Variants in SPTLC2 observed in about 807,000 individuals in gnomAD.
SPTLC2 encodes the protein serine palmitoyltransferase 2.
SPTLC2 carries 21 observed loss-of-function variants against 62.0 expected under a neutral mutation model. That is an observed-to-expected ratio of 0.34 (90% confidence interval 0.24 to 0.49). The LOEUF is 0.49. SPTLC2 is among the 20% of genes least tolerant of loss of function. The probability of loss-of-function intolerance (pLI) is 0.99; values close to 1 mark genes in which losing one functional copy is unlikely to be tolerated. For missense variants in SPTLC2, 511 were observed against 713.0 expected, an observed-to-expected ratio of 0.72 and a Z score of 3.23; for synonymous variants, 261 against 261.8, an observed-to-expected ratio of 1.00 and a Z score of 0.03.
In SPTLC2 at chr14:77,557,411, T is replaced by C. The variant is rs1534834; in HGVS notation, c.851-265A>G. On this transcript the variant is annotated intron_variant, in intron 6 of 11. Transcript: ENST00000216484. The stretch of plus-strand genomic sequence containing the variant: ...TCAGTTCATTAGCTTCCTTATAAAA[T>C]GACCAGTGTCTCATGTTAAATACCC... The C allele has an allele frequency of 2.7e-3, 1,290 of 472,568 alleles. 22 individuals carry two copies. Among genetic ancestry groups the C allele is most frequent in the Admixed American group, 0.017 (485 of 29,122 alleles). 29.3% of individuals were successfully genotyped at this position (472,568 alleles called of 1,614,324 possible).
At chr14:77,591,251 A>T (rs976179551) in intron 2 of SPTLC2, among the ~76,000 whole-genome samples, 1 of 152,222 alleles carries the variant, frequency 6.6e-6, no homozygotes, top group Non-Finnish European at 1.5e-5. Context: ...TACATGAAAC[A>T]TCCATTTATA....
intron 2 of SPTLC2, among the ~76,000 whole-genome samples, chr14:77,596,451 C>A (rs544650004): frequency 6.6e-6 from 1 of 152,222 alleles, no homozygotes; most frequent in South Asian, 2.1e-4. Flanking sequence ...TGCAGTGAGC[C>A]GAGATCGCAC....
chr14:77,556,392 T>C (rs930418225), intron 7 of SPTLC2, among the ~76,000 whole-genome samples: 3 of 151,932 alleles, frequency 2.0e-5, no homozygotes, highest in Non-Finnish European at 2.9e-5. Flanking sequence ...ACAAAAATAA[T>C]TAAGGTCACA....
chr14:77,563,787 G>T lies in SPTLC2; in HGVS notation c.757-1298C>A, dbSNP rs545189939. On this transcript the variant is annotated intron_variant, in intron 5 of 11. Transcript: ENST00000216484. The stretch of plus-strand genomic sequence containing the variant: ...AATCCACGTGTAAGTGGACCTGCAT[G>T]GTTCAAACCATGTTGTTCAAGGGTC... 7.2e-5 allele frequency among the ~76,000 whole-genome samples: 11 copies of T among 152,186 alleles called. No individual in the cohort carries two copies. The East Asian group carries it at 2.1e-3, about 29-fold the overall frequency.
chr14:77,562,484 G>A lies in SPTLC2; in HGVS notation c.762C>T (p.Cys254=). 6.2e-7 allele frequency: 1 copy of A among 1,613,820 alleles called. No individual in the cohort carries two copies. The change falls in exon 6 of 12, where the codon TGC becomes TGT. Residue 254 remains cysteine, a synonymous_variant. Transcript: ENST00000216484. ...MNIPALVGKG[C]LILSDELNHA... ...GATTCAGTTCATCACTCAGAATCAG[G>A]CAACCCTGCAACATCACAGGAACAG... is the stretch of plus-strand genomic sequence containing the variant.
Position 77,539,483 on chromosome 14 carries a change from C to CTTTTTT in SPTLC2, c.1303+12607_1303+12612dup, listed in dbSNP as rs71128638. Among the ~76,000 whole-genome samples the CTTTTTT allele has an allele frequency of 4.3e-4, 23 of 53,478 alleles. 2 individuals are homozygous for CTTTTTT. Among genetic ancestry groups the CTTTTTT allele is most frequent in the East Asian group, 1.1e-3 (1 of 950 alleles). 35.1% of individuals were successfully genotyped at this position (53,478 alleles called of 152,430 possible). A position where few individuals can be genotyped will look rare whatever the true frequency, so the allele number is the denominator to read the frequency against. ...AAAATGAAAATTTTATCTTAAGAGG[C>CTTTTTT]TTTTTTTTTTTTTTTTTTTTTTTGG... On this transcript the variant is annotated intron_variant, in intron 9 of 11. Coordinates refer to ENST00000216484, the MANE Select transcript of SPTLC2 (RefSeq NM_004863.4).
chr14:77,609,767 T>C (rs1028654835), intron 1 of SPTLC2, among the ~76,000 whole-genome samples: 1 of 152,072 alleles, frequency 6.6e-6, no homozygotes, highest in African/African-American at 2.4e-5. Context: ...GGCATATGCC[T>C]GCAGTCCCAG....
intron 1 of SPTLC2, among the ~76,000 whole-genome samples, chr14:77,605,061 G>A (rs1566793529): frequency 6.6e-6 from 1 of 152,094 alleles, no homozygotes; most frequent in Non-Finnish European, 1.5e-5. Flanking sequence ...GCCCAAGCTG[G>A]AGTAGAGTGG....
intron 6 of SPTLC2, among the ~76,000 whole-genome samples, chr14:77,558,714 T>C (rs1321717219): frequency 6.6e-6 from 1 of 151,112 alleles, no homozygotes; most frequent in Non-Finnish European, 1.5e-5. Context: ...CTCCGCCTCC[T>C]GGATTCAAGT....
intron 9 of SPTLC2, chr14:77,535,761 C>A: frequency 3.1e-6 from 1 of 327,382 alleles, no homozygotes; most frequent in South Asian, 2.4e-5. Flanking sequence ...TTATTTAATT[C>A]TTCCAAAGCA....
chr14:77,606,099 A>G (rs1305439855), intron 1 of SPTLC2, among the ~76,000 whole-genome samples: 1 of 152,208 alleles, frequency 6.6e-6, no homozygotes, highest in Non-Finnish European at 1.5e-5. Flanking sequence ...TGGGAGGCCG[A>G]GGCAGGCTGA....
intron 4 of SPTLC2, among the ~76,000 whole-genome samples, chr14:77,573,160 T>C (rs765505863): frequency 7.9e-5 from 12 of 152,068 alleles, no homozygotes; most frequent in Non-Finnish European, 1.8e-4. Flanking sequence ...AGTAAAACAA[T>C]ACTGGAAGGA....
chr14:77,507,963 C>A lies in SPTLC2; in HGVS notation c.*4321G>T, dbSNP rs1271782717. ...GCTCAAATTCTTGGGTTTAAGCAAT[C>A]CTCCGGCCTCAGCCTCTCAAGTAGC... is the stretch of plus-strand genomic sequence containing the variant. On this transcript the variant is annotated 3_prime_UTR_variant, in exon 12 of 12. Transcript: ENST00000216484. 6.6e-6 allele frequency: 1 copy of A among 152,246 alleles called. No homozygotes were observed. Among genetic ancestry groups the A allele is most frequent in the Non-Finnish European group, 1.5e-5 (1 of 68,084 alleles). 9.4% of individuals were successfully genotyped at this position (152,246 alleles called of 1,614,324 possible).
intron 2 of SPTLC2, among the ~76,000 whole-genome samples, chr14:77,581,472 G>C (rs1186361444): frequency 2.9e-5 from 4 of 136,914 alleles, no homozygotes; most frequent in Admixed American, 1.7e-4. Flanking sequence ...GTGTAATGGT[G>C]TGATCTCGCC....
intron 1 of SPTLC2, among the ~76,000 whole-genome samples, chr14:77,607,185 CA>C (rs1358941828): frequency 6.6e-6 from 1 of 152,044 alleles, no homozygotes. Flanking sequence ...AGACGAAAAA[CA>C]CATACAAAGT....
intron 9 of SPTLC2, among the ~76,000 whole-genome samples, chr14:77,546,846 C>T (rs2140013261): frequency 6.6e-6 from 1 of 152,254 alleles, no homozygotes; most frequent in East Asian, 1.9e-4. Flanking sequence ...TCTCCTGCCT[C>T]AGCCTCCCAA....
intron 1 of SPTLC2, among the ~76,000 whole-genome samples, chr14:77,601,665 C>T (rs1157818686): frequency 1.3e-5 from 2 of 152,212 alleles, no homozygotes; most frequent in African/African-American, 4.8e-5. Flanking sequence ...CTACCTACAA[C>T]CTCAGGTCCT....
intron 9 of SPTLC2, among the ~76,000 whole-genome samples, chr14:77,538,301 G>A (rs1423625220): frequency 6.6e-6 from 1 of 152,132 alleles, no homozygotes; most frequent in South Asian, 2.1e-4. Flanking sequence ...AGCAGACACC[G>A]TCCTTTTCTG....
chr14:77,555,543 T>C, intron 7 of SPTLC2, 24 bp from the exon 8 acceptor site: 1 of 1,602,736 alleles, frequency 6.2e-7, no homozygotes, highest in Non-Finnish European at 8.5e-7. Flanking sequence ...AAAAAATATA[T>C]ATATACACAT....
Sources: gnomAD v4.1 joint callset for allele counts (sites outside exome capture counted in the v4.1 genomes callset) on GRCh38, gnomAD v4.1.1 for gene constraint, MANE v1.5 for transcripts, NCBI Gene and HGNC (gene_info 2026-07-23, HGNC 2026-07-21) for gene names.